Variants in NR4A3 observed in about 807,000 individuals in gnomAD.
NR4A3 encodes the protein chondrosarcoma, extraskeletal myxoid, fused to EWS.
A neutral mutation model predicts 55.6 loss-of-function variants in NR4A3; 13 were observed. That is an observed-to-expected ratio of 0.23 (90% CI 0.15 to 0.37). The LOEUF is 0.37. Ranked by LOEUF, NR4A3 falls within the 10% of genes least tolerant of loss-of-function variation. The pLI is 1.00. For missense variants in NR4A3, 646 were observed against 822.8 expected (o/e 0.79, Z 2.63); for synonymous variants, 342 against 357.9 (o/e 0.96, Z 0.50).
intron 5 of NR4A3, among the ~76,000 whole-genome samples, chr9:99,841,987 G>T (rs75722306): frequency 6.6e-5 from 10 of 152,050 alleles, no homozygotes; most frequent in African/African-American, 2.2e-4. Context: ...AATTTTTTTT[G>T]AGGAAGGTAT....
Position 99,842,497 on chromosome 9 carries a change from A to G in NR4A3, c.1255-2152A>G, listed in dbSNP as rs149235000. ...TGTAATCCCACCACTTCAGGAGGCC[A>G]AGGCAGGTGGATCACTTGAGGTCAG... is the stretch of plus-strand genomic sequence containing the variant. On this transcript the variant is annotated intron_variant, in intron 5 of 7. Transcript: ENST00000395097. Among the ~76,000 whole-genome samples the G allele has an allele frequency of 3.9e-5, 6 of 152,192 alleles. No individual in the cohort carries two copies. The East Asian group carries it at 1.2e-3, about 29-fold the overall frequency.
chr9:99,833,806 T>A, intron 5 of NR4A3: 1 of 1,310,022 alleles, frequency 7.6e-7, no homozygotes, highest in Non-Finnish European at 9.8e-7. Context: ...TTTTTCATAT[T>A]GTGTTCAAAC....
At chr9:99,836,684 G>C (rs1415187940) in intron 5 of NR4A3, among the ~76,000 whole-genome samples, 1 of 152,236 alleles carries the variant, frequency 6.6e-6, no homozygotes, top group African/African-American at 2.4e-5. Flanking sequence ...TCACTTGTCT[G>C]ATAACAAGTG....
intron 5 of NR4A3, 185 bp downstream of exon 5, chr9:99,833,639 A>G: frequency 6.3e-7 from 1 of 1,595,160 alleles, no homozygotes; most frequent in South Asian, 1.1e-5. Context: ...TTTTTGCCTT[A>G]TTGAATCTCT....
rs773195963 is a variant in NR4A3, at chr9:99,828,101, A to C, written c.59A>C (p.Gln20Pro). ...CCTCCAGGTTCCAGTTATGCGGCGCAGACATACAGCTCGGAATACACCACG... is the reference window on the plus strand; with the variant it reads ...CCTCCAGGTTCCAGTTATGCGGCGCCGACATACAGCTCGGAATACACCACG... ...PSPPGSSYAA[Q>P]TYSSEYTTEI... Residue 20 changes from glutamine (Q) to proline (P), a missense_variant, in exon 3 of 8, where the codon CAG becomes CCG. This residue lies in a region of NR4A3 where 426 missense variants were observed against 429.4 expected (regional missense o/e 0.99). Coordinates refer to ENST00000395097, the MANE Select transcript of NR4A3 (RefSeq NM_006981.4). This position sits in a 1 kb window ranked among gnomAD's most constrained non-coding sequence, Gnocchi z 7.7. 9.9e-6 allele frequency: 16 copies of C among 1,614,120 alleles called. No homozygotes were observed. The highest frequency in any genetic ancestry group is 1.3e-5 in the Non-Finnish European group (15 of 1,180,020).
At chr9:99,835,565 A>G (rs1007832802) in intron 5 of NR4A3, among the ~76,000 whole-genome samples, 1 of 152,252 alleles carries the variant, frequency 6.6e-6, no homozygotes. Flanking sequence ...GGCTAAGGCT[A>G]TAGCACACAA....
At chr9:99,826,716 G>A in intron 2 of NR4A3, 2 of 1,554,974 alleles carry the variant, frequency 1.3e-6, no homozygotes, top group South Asian at 1.1e-5. Context: ...CCTCATCACT[G>A]CTTCTTCCAA....
rs10121779 is a variant in NR4A3, at chr9:99,827,260, G to A, written c.-2-781G>A. On this transcript the variant is annotated intron_variant, in intron 2 of 7. Transcript: ENST00000395097. ...TTAGTTAGAATTGGGATATATATATGTGTGTGTGTGTGTGTGTGTGTGTGT... is the reference window on the plus strand; with the variant it reads ...TTAGTTAGAATTGGGATATATATATATGTGTGTGTGTGTGTGTGTGTGTGT... Among the ~76,000 whole-genome samples, 450 of 77,022 alleles carry A rather than the reference G, an allele frequency of 5.8e-3. 2 individuals carry two copies. Among genetic ancestry groups the A allele is most frequent in the African/African-American group, 0.017 (352 of 20,620 alleles). The allele number at this position is 77,022 out of a possible 152,430, so 50.5% of individuals were successfully genotyped here.
rs1330745758 is a variant in NR4A3, at chr9:99,828,478, C to A, written c.436C>A (p.Pro146Thr). The change falls in exon 3 of 8, where the codon CCG becomes ACG. Residue 146 changes from proline to threonine, a missense_variant. Coordinates refer to ENST00000395097, the MANE Select transcript of NR4A3 (RefSeq NM_006981.4). This position sits in a 1 kb window ranked among gnomAD's most constrained non-coding sequence, Gnocchi z 7.7. ...KQSPPSTPTT[P>T]AFPPQAGALW... Reference sequence around the variant, plus strand: ...GTCCCCACCGTCCACCCCCACCACGCCGGCCTTCCCCCCGCAGGCGGGGGC... The same window carrying A: ...GTCCCCACCGTCCACCCCCACCACGACGGCCTTCCCCCCGCAGGCGGGGGC... The A allele has an allele frequency of 6.3e-7, 1 of 1,577,002 alleles. No homozygotes were observed. Among genetic ancestry groups the A allele is most frequent in the Non-Finnish European group, 8.6e-7 (1 of 1,163,170 alleles).
rs1057442887 is a variant in NR4A3, at chr9:99,826,889, G to A, written c.-3+1057G>A. On this transcript the variant is annotated intron_variant, in intron 2 of 7. Transcript: ENST00000395097. ...ACCATAGACTCCAAAGAGGCGTTAA[G>A]CACCTGGTTTTCCTTTGGCTCAGAA... 7 of 1,307,956 alleles carry A rather than the reference G, an allele frequency of 5.4e-6. No homozygotes were observed. The Admixed American group carries it at 9.4e-5, about 17-fold the overall frequency. 81.0% of individuals were successfully genotyped at this position (1,307,956 alleles called of 1,614,324 possible).
chr9:99,844,003 AC>A (rs1361000542), intron 5 of NR4A3, among the ~76,000 whole-genome samples: 1 of 133,626 alleles, frequency 7.5e-6, no homozygotes, highest in Non-Finnish European at 1.6e-5. Flanking sequence ...ATTCACCACC[AC>A]CCCCCCACCC....
In NR4A3 at chr9:99,866,547, T is replaced by C. The variant is rs774072725; in HGVS notation, c.*2680T>C. On this transcript the variant is annotated 3_prime_UTR_variant, in exon 8 of 8. Transcript: ENST00000395097. ...TATGAGAGCCTCCCAAGTCATCTTA[T>C]CAACTCAACTCCCTTTTTTTTGTCT... 1 of 228,654 alleles carries C rather than the reference T, an allele frequency of 4.4e-6. No homozygotes were observed. Among genetic ancestry groups the C allele is most frequent in the East Asian group, 6.3e-5 (1 of 15,976 alleles). 14.2% of individuals were successfully genotyped at this position (228,654 alleles called of 1,614,324 possible).
In NR4A3 at chr9:99,844,761, C is replaced by T. The variant is rs1307118923; in HGVS notation, c.1367C>T (p.Pro456Leu). Residue 456 changes from proline (P) to leucine (L), a missense_variant, in exon 6 of 8, where the codon CCG (proline) becomes CTG (leucine). Physicochemically the swap from Pro to Leu is moderately conservative, Grantham distance 98. This residue lies in a region of NR4A3 where 163 missense variants were observed against 233.0 expected (regional missense o/e 0.70). Transcript: ENST00000395097. ...TCCAGAAGCTGGGCAGAAAAGATTCCGGGATTTACTGATCTCCCCAAAGAA... is the reference window on the plus strand; with the variant it reads ...TCCAGAAGCTGGGCAGAAAAGATTCTGGGATTTACTGATCTCCCCAAAGAA... Reference protein sequence around the residue: ...DVSRSWAEKIPGFTDLPKEDQ... With the variant: ...DVSRSWAEKILGFTDLPKEDQ... 8 of 1,614,126 alleles carry T rather than the reference C, an allele frequency of 5.0e-6. No individual in the cohort carries two copies. Among genetic ancestry groups the T allele is most frequent in the Admixed American group, 1.7e-5 (1 of 60,024 alleles).
At chr9:99,824,848 T>C (rs939276509) in intron 1 of NR4A3, among the ~76,000 whole-genome samples, 2 of 152,166 alleles carry the variant, frequency 1.3e-5, no homozygotes, top group Admixed American at 1.3e-4. Flanking sequence ...GTCCCGGAGC[T>C]GCGCTCGGCG....
At chr9:99,845,222 G>C (rs932839506) in intron 6 of NR4A3, among the ~76,000 whole-genome samples, 3 of 152,208 alleles carry the variant, frequency 2.0e-5, no homozygotes, top group African/African-American at 7.2e-5. Context: ...CTGGGAGCAA[G>C]TGTTTGCTTT....
intron 7 of NR4A3, among the ~76,000 whole-genome samples, chr9:99,850,409 G>T (rs1318493465): frequency 6.6e-6 from 1 of 152,202 alleles, no homozygotes; most frequent in Non-Finnish European, 1.5e-5. Context: ...AAGAGGCCAG[G>T]ACGTGTGGGT....
intron 7 of NR4A3, among the ~76,000 whole-genome samples, chr9:99,856,059 T>G (rs1043467542): frequency 6.6e-6 from 1 of 152,168 alleles, no homozygotes; most frequent in African/African-American, 2.4e-5. Flanking sequence ...GAGACTGGTT[T>G]CATGGAAGAC....
chr9:99,851,799 G>A (rs1827854899), intron 7 of NR4A3, among the ~76,000 whole-genome samples: 1 of 152,208 alleles, frequency 6.6e-6, no homozygotes, highest in Non-Finnish European at 1.5e-5. Context: ...CCAATGAGTT[G>A]ATATCTGGTT....
At chr9:99,862,453 G>A (rs1828022422) in intron 7 of NR4A3, among the ~76,000 whole-genome samples, 1 of 149,926 alleles carries the variant, frequency 6.7e-6, no homozygotes, top group Admixed American at 6.7e-5. Flanking sequence ...GGTGAGGCAG[G>A]AGAATCGCTT....
Sources: gnomAD v4.1 joint callset for allele counts (sites outside exome capture counted in the v4.1 genomes callset) on GRCh38, gnomAD v4.1.1 for gene constraint, gnomAD v4.1.1 regional missense constraint, Gnocchi (gnomAD v3.1) non-coding constraint, MANE v1.5 for transcripts, NCBI Gene and HGNC (gene_info 2026-07-23, HGNC 2026-07-21) for gene names.